ARRDC3: variants seen among roughly 807,000 people sequenced by gnomAD.
The protein encoded by ARRDC3 is arrestin domain containing 3.
A neutral mutation model predicts 47.2 loss-of-function variants in ARRDC3; 10 were observed. The observed-to-expected ratio is 0.21, with a 90% CI of 0.13 to 0.36. The LOEUF (loss-of-function observed/expected upper bound fraction) is 0.36, where lower values mean the gene tolerates loss of function less well. ARRDC3 is among the 10% of genes least tolerant of loss of function. The pLI, the probability that ARRDC3 is intolerant of heterozygous loss-of-function variation, is 1.00. For synonymous variants in ARRDC3, 156 were observed against 178.3 expected, an observed-to-expected ratio of 0.87 and a Z score of 1.00; for missense variants, 381 against 503.6, an observed-to-expected ratio of 0.76 and a Z score of 2.33.
chr5:91,375,576 C>G lies in ARRDC3; in HGVS notation c.548G>C (p.Cys183Ser). Reference protein sequence around the residue: ...QAGTKEKTLCCWFCTSGPISL... With the variant: ...QAGTKEKTLCSWFCTSGPISL... ...TATTGGGCCTGAGGTACAGAACCAG[C>G]AACAGAGTGTCTTTTCTTTTGTGCC... Residue 183 changes from cysteine to serine, a missense_variant, in exon 4 of 8, where the codon TGC (cysteine) becomes TCC (serine). By Grantham distance (112) the Cys-to-Ser change is moderately radical (BLOSUM62 -1). Transcript: ENST00000265138. 6.2e-7 allele frequency: 1 copy of G among 1,610,432 alleles called. No individual in the cohort carries two copies. Among genetic ancestry groups the G allele is most frequent in the Non-Finnish European group, 8.5e-7 (1 of 1,177,990 alleles).
At chr5:91,376,368 G>A (rs1376221548) in intron 3 of ARRDC3, among the ~76,000 whole-genome samples, 2 of 152,096 alleles carry the variant, frequency 1.3e-5, no homozygotes, top group African/African-American at 2.4e-5. Context: ...CATACTCTGA[G>A]TAAGAGATAC....
In ARRDC3 at chr5:91,378,704, G is replaced by C. The variant is rs1322796193; in HGVS notation, c.352C>G (p.Leu118Val). Residue 118 changes from leucine to valine, a missense_variant, in exon 2 of 8, where the codon CTT becomes GTT. Transcript: ENST00000265138. ...ATTTATAATACTTACGTCTGTGGAA[G>C]CTCGAAGCTGAATGCATATTCATGC... The part of the protein sequence containing the change: ...GRHEYAFSFE[L>V]PQTPLATSFE... 1.3e-6 allele frequency: 2 copies of C among 1,584,702 alleles called. No individual in the cohort carries two copies. Among genetic ancestry groups the C allele is most frequent in the South Asian group, 1.2e-5 (1 of 86,222 alleles).
At chr5:91,375,256 A>C in intron 4 of ARRDC3, 78 bp from the exon 5 acceptor site, 1 of 1,440,898 alleles carries the variant, frequency 6.9e-7, no homozygotes, top group Non-Finnish European at 9.3e-7. Flanking sequence ...AAGCTAAAGT[A>C]AGAAAGTGCA....
chr5:91,373,197 AT>A (rs1342106844), intron 7 of ARRDC3, among the ~76,000 whole-genome samples: 1 of 152,234 alleles, frequency 6.6e-6, no homozygotes, highest in East Asian at 1.9e-4. Flanking sequence ...CTTAGCTGCC[AT>A]CAATATGAGA....
chr5:91,381,009 G>T (rs1280640253), intron 1 of ARRDC3: 1 of 152,246 alleles, frequency 6.6e-6, no homozygotes, highest in Non-Finnish European at 1.5e-5. Context: ...GCCGCGGCGC[G>T]AGCTCACTCT....
intron 7 of ARRDC3, among the ~76,000 whole-genome samples, chr5:91,373,074 C>T (rs1362926924): frequency 2.0e-5 from 3 of 152,168 alleles, no homozygotes; most frequent in Admixed American, 6.5e-5. Context: ...AGCTGCTTCT[C>T]AAATGAGCTG....
intron 2 of ARRDC3, among the ~76,000 whole-genome samples, chr5:91,377,837 C>T (rs1487585455): frequency 6.6e-6 from 1 of 151,940 alleles, no homozygotes; most frequent in African/African-American, 2.4e-5. Context: ...ATAGAATTTT[C>T]TAAAAAATAC....
chr5:91,375,425 T>C (rs892745736), intron 4 of ARRDC3, 86 bp downstream of exon 4: 12 of 954,628 alleles, frequency 1.3e-5, no homozygotes, highest in Non-Finnish European at 1.7e-5. Context: ...TACTATATTA[T>C]GTTTATATTT....
At position 91,374,994 on chromosome 5, in the gene ARRDC3, C is replaced by T. The variant is rs1799266688; in HGVS notation, c.798G>A (p.Lys266=). The change falls in exon 5 of 8, where the codon AAG becomes AAA. Residue 266 remains lysine, a synonymous_variant. Transcript: ENST00000265138. ...SSGKTETWNG[K]LLKIPPVSPS... ...GAGAAACTGGTGGAATTTTCAGCAA[C>T]TTGCCATTCCACGTCTCTGTCTTTC... is the stretch of plus-strand genomic sequence containing the variant. The T allele has an allele frequency of 6.2e-7, 1 of 1,614,092 alleles. No homozygotes were observed. Among genetic ancestry groups the T allele is most frequent in the African/African-American group, 1.3e-5 (1 of 74,938 alleles).
intron 2 of ARRDC3, among the ~76,000 whole-genome samples, chr5:91,377,746 C>CAA (rs1456499524): frequency 1.3e-5 from 2 of 152,010 alleles, no homozygotes; most frequent in Non-Finnish European, 2.9e-5. Flanking sequence ...TGGCCTTATT[C>CAA]TATCAACAGA....
In ARRDC3 at chr5:91,376,678, T is replaced by C. The variant is rs34152201; in HGVS notation, c.453A>G (p.Lys151=). Residue 151 remains lysine (K), a synonymous_variant, in exon 3 of 8, where the codon AAA becomes AAG. Transcript: ENST00000265138. ...ELHRPWLLPV[K]LKKEFTVFEH... is the part of the protein sequence containing the mutation. ...CAAAGACTGTAAATTCCTTCTTTAA[T>C]TTTACTGGTAGTAGCCAAGGCCTGT... 4,672 of 1,613,622 alleles carry C rather than the reference T, an allele frequency of 2.9e-3. 108 individuals are homozygous for C. In the African/African-American group the frequency reaches 0.052, roughly 18 times the overall value.
chr5:91,372,515 C>A (rs1374941895), intron 7 of ARRDC3, among the ~76,000 whole-genome samples: 1 of 152,072 alleles, frequency 6.6e-6, no homozygotes, highest in Admixed American at 6.5e-5. Context: ...ATAAGCAAGA[C>A]AGAAATGTCC....
chr5:91,369,233 A>ATGCATAGCATGCATAGCATGCAT lies in ARRDC3; in HGVS notation c.*2166_*2167insATGCATGCTATGCATGCTATGCA, dbSNP rs1418802506. The stretch of plus-strand genomic sequence containing the variant: ...GTATTCCAATGCTATGCATATCAAC[A>ATGCATAGCATGCATAGCATGCAT]ATTGTTCCCTAGTCAGTTAGACGTA... On this transcript the variant is annotated 3_prime_UTR_variant, in exon 8 of 8. Transcript: ENST00000265138. 6.6e-6 allele frequency: 1 copy of ATGCATAGCATGCATAGCATGCAT among 152,564 alleles called. No individual in the cohort carries two copies. Among genetic ancestry groups the ATGCATAGCATGCATAGCATGCAT allele is most frequent in the Admixed American group, 6.6e-5 (1 of 15,252 alleles). The allele number at this position is 152,564 out of a possible 1,614,324, so 9.5% of individuals were successfully genotyped here.
Position 91,370,725 on chromosome 5 carries a change from TCTA to T in ARRDC3, c.*672_*674del, listed in dbSNP as rs1167399028. 1 of 152,522 alleles carries T rather than the reference TCTA, an allele frequency of 6.6e-6. No homozygotes were observed. Among genetic ancestry groups the T allele is most frequent in the Non-Finnish European group, 1.5e-5 (1 of 68,022 alleles). The allele number at this position is 152,522 out of a possible 1,614,324, so 9.4% of individuals were successfully genotyped here. Reference sequence around the variant, plus strand: ...TTTTTCCCACATTATCTGTTGCGTATCTACTACAGTAGGCTGCAAAACATACAG... The same window carrying T: ...TTTTTCCCACATTATCTGTTGCGTATCTACAGTAGGCTGCAAAACATACAG... On this transcript the variant is annotated 3_prime_UTR_variant, in exon 8 of 8. Coordinates refer to ENST00000265138, the MANE Select transcript of ARRDC3 (RefSeq NM_020801.4).
At chr5:91,380,722 T>C (rs1405394135) in intron 1 of ARRDC3, 1 of 152,362 alleles carries the variant, frequency 6.6e-6, no homozygotes, top group African/African-American at 2.4e-5. Context: ...ACCCTTCCCA[T>C]CCAACTTCCA....
Position 91,378,846 on chromosome 5 carries a change from C to G in ARRDC3, c.281-71G>C, listed in dbSNP as rs142220784. Reference sequence around the variant, plus strand: ...TTACATACTCCGCAGGGTGGCATAACTTTAAAGATGCTTACATAACAATTA... The same window carrying G: ...TTACATACTCCGCAGGGTGGCATAAGTTTAAAGATGCTTACATAACAATTA... On this transcript the variant is annotated intron_variant, in intron 1 of 7. Transcript: ENST00000265138. 72 of 925,476 alleles carry G rather than the reference C, an allele frequency of 7.8e-5. No individual in the cohort carries two copies. In the African/African-American group the frequency reaches 1.1e-3, roughly 14 times the overall value. The allele number at this position is 925,476 out of a possible 1,614,324, so 57.3% of individuals were successfully genotyped here.
At position 91,375,040 on chromosome 5, in the gene ARRDC3, C is replaced by T. The variant is rs371971226; in HGVS notation, c.752G>A (p.Arg251His). 32 of 1,614,066 alleles carry T rather than the reference C, an allele frequency of 2.0e-5. No homozygotes were observed. The highest frequency in any genetic ancestry group is 2.5e-5 in the Non-Finnish European group (29 of 1,180,040). Residue 251 changes from arginine to histidine, a missense_variant, in exon 5 of 8, where the codon CGT becomes CAT. By Grantham distance (29) the Arg-to-His change is conservative (BLOSUM62 0). Coordinates refer to ENST00000265138, the MANE Select transcript of ARRDC3 (RefSeq NM_020801.4). ...CTTTCCAGATGATAAGGATTCCCCA[C>T]GCAAGTTAGCCACAAGCTGTTTTAC... ...KEVKQLVANL[R>H]GESLSSGKTE...
chr5:91,375,354 C>G lies in ARRDC3; in HGVS notation c.613+157G>C, dbSNP rs1272837901. 9.0e-6 allele frequency: 8 copies of G among 890,770 alleles called. No individual in the cohort carries two copies. The Admixed American group carries it at 2.4e-4, about 27-fold the overall frequency. The allele number at this position is 890,770 out of a possible 1,614,324, so 55.2% of individuals were successfully genotyped here. ...ATCAGTAGCTATTTGAAAAAGGAAA[C>G]TACATTCTACTTTGTGAAAAAAACA... On this transcript the variant is annotated intron_variant, in intron 4 of 7. Transcript: ENST00000265138.
intron 2 of ARRDC3, 145 bp from the exon 3 acceptor site, chr5:91,376,913 A>G (rs1423129573): frequency 8.3e-6 from 6 of 722,008 alleles, no homozygotes. Flanking sequence ...TTCCAAAGGG[A>G]TAAGTCACTG....
Sources: gnomAD v4.1 joint callset for allele counts (sites outside exome capture counted in the v4.1 genomes callset) on GRCh38, gnomAD v4.1.1 for gene constraint, MANE v1.5 for transcripts, NCBI Gene and HGNC (gene_info 2026-07-23, HGNC 2026-07-21) for gene names.